RASEF: variants seen among roughly 807,000 people sequenced by gnomAD.
RASEF encodes ras and EF-hand domain-containing protein.
RASEF carries 68 observed loss-of-function variants against 90.1 expected under a neutral mutation model. The ratio of observed to expected loss-of-function variants is 0.75; its 90% CI spans 0.62 to 0.92. The LOEUF (loss-of-function observed/expected upper bound fraction) is 0.92, where lower values mean the gene tolerates loss of function less well. Among genes scored for constraint, RASEF ranks in the 40% least tolerant of loss-of-function variants. The pLI, the probability that RASEF is intolerant of heterozygous loss-of-function variation, is 0.00. For missense variants in RASEF, 949 were observed against 937.2 expected, an observed-to-expected ratio of 1.01 and a Z score of -0.16; for synonymous variants, 331 against 345.2, an observed-to-expected ratio of 0.96 and a Z score of 0.46.
At chr9:83,114,442 A>T in the RASEF span, among the ~76,000 whole-genome samples, 3 of 152,198 alleles carry the variant, frequency 2.0e-5, no homozygotes, top group Non-Finnish European at 2.9e-5. Context: ...GGGCACCTTG[A>T]AAAAAGAACA....
At chr9:83,141,138 C>A in the RASEF span, among the ~76,000 whole-genome samples, 1 of 112,596 alleles carries the variant, frequency 8.9e-6, no homozygotes, top group Admixed American at 9.7e-5. Context: ...AGCAAAATTC[C>A]ATCTCAAAAA....
At chr9:82,983,107 CCACACACACACACACACA>C (rs10539196) in intron 16 of RASEF, among the ~76,000 whole-genome samples, 170 of 128,648 alleles carry the variant, frequency 1.3e-3, no homozygotes, top group East Asian at 7.9e-3. Context: ...GAGTACCAGG[CCACACACACACACACACA>C]CACACACACA....
rs1331520503 is a variant in RASEF at position 83,058,889 on chromosome 9, G to A, written c.431+3548C>T. On this transcript the variant is annotated intron_variant, in intron 1 of 16. Transcript: ENST00000376447. ...TCGACATCGTGCATGTAGAAACATC[G>A]CAAACCATGTGAAACAGCTAACGGT... is the stretch of plus-strand genomic sequence containing the variant. 3.3e-5 allele frequency among the ~76,000 whole-genome samples: 5 copies of A among 152,100 alleles called. No individual in the cohort carries two copies. The East Asian group carries it at 7.8e-4, about 24-fold the overall frequency.
the RASEF span, among the ~76,000 whole-genome samples, chr9:83,158,724 A>ATATATTTATGTACATATACATATATGTG: frequency 6.7e-6 from 1 of 149,278 alleles, no homozygotes; most frequent in African/African-American, 2.4e-5. Context: ...ACATATATGT[A>ATATATTTATGTACATATACATATATGTG]TATATTTATG....
intron 13 of RASEF, among the ~76,000 whole-genome samples, chr9:82,997,418 CA>C (rs1564071183): frequency 6.6e-6 from 1 of 152,140 alleles, no homozygotes; most frequent in African/African-American, 2.4e-5. Flanking sequence ...GCACAGTTTC[CA>C]AAAATTTCAA....
intron 1 of RASEF, among the ~76,000 whole-genome samples, chr9:83,057,832 TATATTCATATATAC>T (rs1366012342): frequency 9.0e-6 from 1 of 110,762 alleles, no homozygotes; most frequent in Non-Finnish European, 1.8e-5. Flanking sequence ...CATATATACA[TATATTCATATATAC>T]ATATATATAT....
At chr9:83,173,571 A>G in the RASEF span, among the ~76,000 whole-genome samples, 2 of 151,482 alleles carry the variant, frequency 1.3e-5, no homozygotes, top group African/African-American at 4.8e-5. Context: ...CAGCTCCAGG[A>G]TATCTGTTTG....
chr9:83,144,391 G>GAAAGGAAGAAAGAAA, the RASEF span, among the ~76,000 whole-genome samples: 1 of 33,218 alleles, frequency 3.0e-5, no homozygotes, highest in Admixed American at 4.3e-4. Flanking sequence ...AAGAAAGAAA[G>GAAAGGAAGAAAGAAA]GAAAGAAAGA....
At chr9:83,082,410 T>G in the RASEF span, among the ~76,000 whole-genome samples, 1 of 152,214 alleles carries the variant, frequency 6.6e-6, no homozygotes, top group African/African-American at 2.4e-5. Flanking sequence ...GGGAGCTCCT[T>G]TTATCTCAGC....
chr9:83,064,549 CTAT>C (rs1379150637), upstream of RASEF, among the ~76,000 whole-genome samples: 11 of 152,134 alleles, frequency 7.2e-5, no homozygotes, highest in African/African-American at 2.7e-4. Context: ...AATCTTTGAA[CTAT>C]TATTATATTT....
chr9:83,210,483 C>G, the RASEF span, among the ~76,000 whole-genome samples: 1 of 152,206 alleles, frequency 6.6e-6, no homozygotes, highest in African/African-American at 2.4e-5. Context: ...GATAAGGGCC[C>G]TGTCTCCATT....
intron 16 of RASEF, among the ~76,000 whole-genome samples, chr9:82,988,298 C>T (rs553643251): frequency 6.6e-6 from 1 of 152,240 alleles, no homozygotes; most frequent in Admixed American, 6.5e-5. Flanking sequence ...GTTATTCAAC[C>T]CGACAGATAA....
At chr9:83,093,450 G>A in the RASEF span, among the ~76,000 whole-genome samples, 64 of 152,362 alleles carry the variant, frequency 4.2e-4, no homozygotes, top group African/African-American at 1.1e-3. Context: ...CCGCGGGAAG[G>A]CAGCTAAGGC....
chr9:83,055,289 G>A, intron 1 of RASEF: 1 of 354,822 alleles, frequency 2.8e-6, no homozygotes, highest in Admixed American at 4.2e-5. Context: ...CAATATTCGG[G>A]TGGGAGTGAC....
chr9:83,165,097 C>A, the RASEF span, among the ~76,000 whole-genome samples: 1 of 151,922 alleles, frequency 6.6e-6, no homozygotes, highest in Admixed American at 6.6e-5. Context: ...TTAACAGATC[C>A]ATCAAATGGA....
At chr9:83,134,410 GCACACACA>G in the RASEF span, among the ~76,000 whole-genome samples, 4 of 139,046 alleles carry the variant, frequency 2.9e-5, no homozygotes, top group South Asian at 2.2e-4. Context: ...TCACAATAGC[GCACACACA>G]CACACACACA....
chr9:83,053,717 G>C (rs1325813064), intron 1 of RASEF, among the ~76,000 whole-genome samples: 1 of 146,988 alleles, frequency 6.8e-6, no homozygotes, highest in Non-Finnish European at 1.5e-5. Context: ...ACTTCCTTCA[G>C]GAGCTCTTTT....
At chr9:83,059,269 T>TACAC (rs59546421) in intron 1 of RASEF, among the ~76,000 whole-genome samples, 52,430 of 128,794 alleles carry the variant, frequency 0.41, 11,070 homozygotes, top group East Asian at 0.62. Context: ...AAATGCTCAA[T>TACAC]ACACACACAC....
At chr9:83,185,353 C>CTTTTTTTTTTTTTTTTTTTTTTTTTTCTT in the RASEF span, among the ~76,000 whole-genome samples, 1 of 143,088 alleles carries the variant, frequency 7.0e-6, no homozygotes, top group African/African-American at 2.6e-5. Context: ...TTCTTTCTTT[C>CTTTTTTTTTTTTTTTTTTTTTTTTTTCTT]TTTTTTTTTT....
Sources: gnomAD v4.1 joint callset for allele counts (sites outside exome capture counted in the v4.1 genomes callset) on GRCh38, gnomAD v4.1.1 for gene constraint, MANE v1.5 for transcripts, NCBI Gene and HGNC (gene_info 2026-07-23, HGNC 2026-07-21) for gene names.